FBXO11: variants seen among roughly 807,000 people sequenced by gnomAD.
FBXO11 encodes F-box protein 11.
Under a neutral mutation model 117.0 loss-of-function variants are expected in FBXO11, and 13 were observed. That is an observed-to-expected ratio of 0.11 (90% CI 0.07 to 0.18). The LOEUF is 0.18. Ranked by LOEUF, FBXO11 falls within the 10% of genes least tolerant of loss-of-function variation. FBXO11 has a pLI of 1.00. For missense variants in FBXO11, 767 were observed against 1,164.4 expected (o/e 0.66, Z 4.97); for synonymous variants, 490 against 380.5 (o/e 1.29, Z -3.35).
chr2:47,890,632 C>T (rs547101591), intron 1 of FBXO11, among the ~76,000 whole-genome samples: 4 of 151,980 alleles, frequency 2.6e-5, no homozygotes, highest in Non-Finnish European at 4.4e-5. Flanking sequence ...GACAAAACCC[C>T]ATCTCTACTA....
intron 1 of FBXO11, among the ~76,000 whole-genome samples, chr2:47,892,497 G>A (rs948896147): frequency 6.6e-6 from 1 of 152,132 alleles, no homozygotes; most frequent in African/African-American, 2.4e-5. Flanking sequence ...TTCAACTCTA[G>A]ATATATTCAG....
chr2:47,876,620 TTAAC>T (rs1329383898), intron 1 of FBXO11, among the ~76,000 whole-genome samples: 4 of 152,240 alleles, frequency 2.6e-5, no homozygotes, highest in East Asian at 1.9e-4. Context: ...CGTTGTTAAT[TTAAC>T]TAATATTTTA....
At chr2:47,818,742 T>A in intron 16 of FBXO11, 37 bp downstream of exon 16, 1 of 1,472,200 alleles carries the variant, frequency 6.8e-7, no homozygotes, top group Non-Finnish European at 9.2e-7. Context: ...TACTCCTAAC[T>A]CCCTCCCAAA....
intron 11 of FBXO11, among the ~76,000 whole-genome samples, chr2:47,824,332 TAAA>T (rs1244300825): frequency 6.6e-6 from 1 of 151,984 alleles, no homozygotes; most frequent in African/African-American, 2.4e-5. Context: ...CAGAAAAAGT[TAAA>T]AACAAAATTA....
intron 1 of FBXO11, among the ~76,000 whole-genome samples, chr2:47,841,934 C>T (rs1673042005): frequency 6.6e-6 from 1 of 151,442 alleles, no homozygotes; most frequent in South Asian, 2.1e-4. Flanking sequence ...CCACTGTGCC[C>T]GGCCAAATTA....
intron 1 of FBXO11, among the ~76,000 whole-genome samples, chr2:47,858,639 G>A (rs1445441610): frequency 7.4e-5 from 10 of 135,746 alleles, no homozygotes; most frequent in African/African-American, 2.8e-4. Context: ...CTGAAATCAT[G>A]TCATTGCTCT....
At chr2:47,816,459 C>T (rs921203566) in intron 16 of FBXO11, among the ~76,000 whole-genome samples, 1 of 152,082 alleles carries the variant, frequency 6.6e-6, no homozygotes, top group Non-Finnish European at 1.5e-5. Context: ...TGGATTACAG[C>T]ACTTTTTCAG....
chr2:47,879,763 T>C (rs1384202883), intron 1 of FBXO11, among the ~76,000 whole-genome samples: 1 of 152,180 alleles, frequency 6.6e-6, no homozygotes. Context: ...CACTGAACAA[T>C]TCCCTTTTTC....
rs1245983078 is a variant in FBXO11 at position 47,906,149 on chromosome 2, T to G, written c.-429A>C. Reference sequence around the variant, plus strand: ...GCGGCGTCTCCGGCAGCGGGGGGAGTGGGCGGGCGGGTGAGGAAGGGAGAA... The same window carrying G: ...GCGGCGTCTCCGGCAGCGGGGGGAGGGGGCGGGCGGGTGAGGAAGGGAGAA... On this transcript the variant is annotated 5_prime_UTR_variant, in exon 1 of 23. Transcript: ENST00000403359. The G allele has an allele frequency of 1.8e-3, 162 of 90,426 alleles. No individual in the cohort carries two copies. The highest frequency in any genetic ancestry group is 5.6e-3 in the Middle Eastern group (1 of 178). The allele number at this position is 90,426 out of a possible 1,614,324, so 5.6% of individuals were successfully genotyped here. A position where few individuals can be genotyped will look rare whatever the true frequency, so the allele number is the denominator to read the frequency against.
chr2:47,846,594 T>A (rs913852105), intron 1 of FBXO11, among the ~76,000 whole-genome samples: 4 of 152,318 alleles, frequency 2.6e-5, no homozygotes, highest in East Asian at 1.9e-4. Context: ...ATTTTAACTA[T>A]AATTCACAGA....
intron 16 of FBXO11, among the ~76,000 whole-genome samples, chr2:47,814,654 C>T (rs1350416212): frequency 6.6e-6 from 1 of 152,134 alleles, no homozygotes; most frequent in Non-Finnish European, 1.5e-5. Flanking sequence ...GCTGGGATTA[C>T]AGGCATGATC....
chr2:47,855,999 T>C (rs1412775345), intron 1 of FBXO11, among the ~76,000 whole-genome samples: 1 of 152,208 alleles, frequency 6.6e-6, no homozygotes, highest in Non-Finnish European at 1.5e-5. Context: ...CAGTTCCAGC[T>C]ACTCAGGAGG....
chr2:47,858,420 G>A (rs1223605483), intron 1 of FBXO11, among the ~76,000 whole-genome samples: 3 of 150,320 alleles, frequency 2.0e-5, no homozygotes, highest in Non-Finnish European at 4.4e-5. Context: ...GGTGACTCAC[G>A]CCTGTAATCC....
intron 1 of FBXO11, among the ~76,000 whole-genome samples, chr2:47,879,961 A>T (rs1242979414): frequency 1.3e-5 from 2 of 150,966 alleles, no homozygotes; most frequent in Non-Finnish European, 3.0e-5. Flanking sequence ...ATAATATTTC[A>T]TTGTATGTAT....
intron 1 of FBXO11, among the ~76,000 whole-genome samples, chr2:47,845,606 G>C (rs757541552): frequency 2.6e-5 from 4 of 152,132 alleles, no homozygotes; most frequent in Non-Finnish European, 5.9e-5. Flanking sequence ...AACTCCTGTA[G>C]TACTGAATAT....
chr2:47,825,377 G>A (rs1671671966), intron 11 of FBXO11, among the ~76,000 whole-genome samples: 1 of 150,480 alleles, frequency 6.6e-6, no homozygotes, highest in African/African-American at 2.4e-5. Flanking sequence ...ATACACACTG[G>A]GTGTATAAAT....
intron 1 of FBXO11, among the ~76,000 whole-genome samples, chr2:47,884,276 T>C (rs532052379): frequency 4.6e-5 from 7 of 152,304 alleles, no homozygotes; most frequent in African/African-American, 1.4e-4. Flanking sequence ...TTCCTGTACA[T>C]GTGGCTCTGT....
chr2:47,858,681 C>CA (rs902232765), intron 1 of FBXO11, among the ~76,000 whole-genome samples: 9,414 of 67,220 alleles, frequency 0.14, 613 homozygotes, highest in African/African-American at 0.21. Flanking sequence ...GACTCTGCCT[C>CA]AAAAAAAAAA....
chr2:47,846,489 T>C (rs1442927996), intron 1 of FBXO11, among the ~76,000 whole-genome samples: 1 of 152,186 alleles, frequency 6.6e-6, no homozygotes, highest in Non-Finnish European at 1.5e-5. Context: ...TTTTTAATTT[T>C]ATGGTTTTCA....
Sources: gnomAD v4.1 joint callset for allele counts (sites outside exome capture counted in the v4.1 genomes callset) on GRCh38, gnomAD v4.1.1 for gene constraint, MANE v1.5 for transcripts, NCBI Gene and HGNC (gene_info 2026-07-23, HGNC 2026-07-21) for gene names.